DIS3L2: variants seen among roughly 807,000 people sequenced by gnomAD.
DIS3L2 encodes the protein DIS3-like exonuclease 2.
A neutral mutation model predicts 97.5 loss-of-function variants in DIS3L2; 34 were observed. The observed-to-expected ratio is 0.35, with a 90% CI of 0.27 to 0.46. The LOEUF (loss-of-function observed/expected upper bound fraction) is 0.46, where lower values mean the gene tolerates loss of function less well. DIS3L2 is among the 20% of genes least tolerant of loss of function. DIS3L2 has a pLI of 1.00. For missense variants in DIS3L2, 1,038 were observed against 1,146.0 expected, an observed-to-expected ratio of 0.91 and a Z score of 1.36; for synonymous variants, 435 against 445.2, an observed-to-expected ratio of 0.98 and a Z score of 0.29.
At chr2:232,082,109 C>A (rs958457905) in intron 5 of DIS3L2, among the ~76,000 whole-genome samples, 9 of 152,206 alleles carry the variant, frequency 5.9e-5, no homozygotes, top group African/African-American at 1.9e-4. Context: ...TACTTTTAAC[C>A]AGTATGCAAT....
At chr2:232,053,887 C>T (rs1212966929) in intron 5 of DIS3L2, among the ~76,000 whole-genome samples, 1 of 152,100 alleles carries the variant, frequency 6.6e-6, no homozygotes, top group East Asian at 1.9e-4. Context: ...AATCATTGGC[C>T]ATTGAACTCA....
In DIS3L2 at chr2:232,025,808, C is replaced by T. The variant is rs973347361; in HGVS notation, c.264+1478C>T. Reference sequence around the variant, plus strand: ...GAGACGGATAAACCATCTCTCAGTACGTCCTGCATAACCAATGTTTTTTTC... The same window carrying T: ...GAGACGGATAAACCATCTCTCAGTATGTCCTGCATAACCAATGTTTTTTTC... On this transcript the variant is annotated intron_variant, in intron 4 of 20. Coordinates refer to ENST00000325385, the MANE Select transcript of DIS3L2 (RefSeq NM_152383.5). Among the ~76,000 whole-genome samples, 4 of 152,150 alleles carry T rather than the reference C, an allele frequency of 2.6e-5. No individual in the cohort carries two copies. The South Asian group carries it at 6.2e-4, about 24-fold the overall frequency.
At chr2:232,206,459 A>G (rs1692027750) in intron 9 of DIS3L2, among the ~76,000 whole-genome samples, 1 of 152,232 alleles carries the variant, frequency 6.6e-6, no homozygotes, top group Non-Finnish European at 1.5e-5. Flanking sequence ...GCTGTGTACA[A>G]TAAAGCTTTA....
In DIS3L2 at chr2:232,068,175, G is replaced by A. The variant is rs1232799825; in HGVS notation, c.367-19312G>A. Among the ~76,000 whole-genome samples the A allele has an allele frequency of 5.3e-5, 8 of 152,290 alleles. No individual in the cohort carries two copies. The South Asian group carries it at 8.3e-4, about 16-fold the overall frequency. On this transcript the variant is annotated intron_variant, in intron 5 of 20. Transcript: ENST00000325385. The stretch of plus-strand genomic sequence containing the variant: ...AGTAGATTTTTAGAGTTGGCTATAC[G>A]TGAAATCTATATATTTTAGATTTTT...
chr2:232,166,513 C>T (rs1024216575), intron 9 of DIS3L2, among the ~76,000 whole-genome samples: 9 of 152,218 alleles, frequency 5.9e-5, no homozygotes, highest in East Asian at 1.9e-4. Context: ...ATCATGAGAT[C>T]GAGACCATCC....
chr2:232,070,923 A>C (rs1247287606), intron 5 of DIS3L2, among the ~76,000 whole-genome samples: 1 of 151,898 alleles, frequency 6.6e-6, no homozygotes, highest in Non-Finnish European at 1.5e-5. Context: ...CATGCAGGAG[A>C]GGAGAGAGGG....
intron 10 of DIS3L2, among the ~76,000 whole-genome samples, chr2:232,225,884 G>A (rs565523864): frequency 6.6e-6 from 1 of 152,304 alleles, no homozygotes; most frequent in East Asian, 1.9e-4. Flanking sequence ...CAACAGGGGT[G>A]AACCTTGAAA....
At chr2:232,284,529 AT>A (rs1239562110) in intron 13 of DIS3L2, among the ~76,000 whole-genome samples, 1 of 152,246 alleles carries the variant, frequency 6.6e-6, no homozygotes, top group African/African-American at 2.4e-5. Context: ...TTCATGGAAC[AT>A]TGAATATTCA....
At chr2:232,210,266 T>C (rs1040809575) in intron 9 of DIS3L2, 60 bp from the exon 10 acceptor site, 1 of 1,319,996 alleles carries the variant, frequency 7.6e-7, no homozygotes, top group Non-Finnish European at 1.1e-6. Flanking sequence ...AGCTGTACTA[T>C]GGTGGGGTAA....
downstream of DIS3L2, among the ~76,000 whole-genome samples, chr2:232,339,023 G>T (rs1696052075): frequency 6.6e-6 from 1 of 152,238 alleles, no homozygotes; most frequent in South Asian, 2.1e-4. Context: ...AGAAGCCAGT[G>T]AGTGTGTCCC....
At chr2:232,115,296 G>A (rs1697670747) in intron 6 of DIS3L2, among the ~76,000 whole-genome samples, 1 of 151,562 alleles carries the variant, frequency 6.6e-6, no homozygotes, top group Non-Finnish European at 1.5e-5. Flanking sequence ...GGTGATTGAA[G>A]ATTTTTTTAA....
At chr2:232,232,252 G>T (rs991908404) in intron 10 of DIS3L2, among the ~76,000 whole-genome samples, 2 of 152,184 alleles carry the variant, frequency 1.3e-5, no homozygotes, top group Non-Finnish European at 2.9e-5. Flanking sequence ...GCAAAAGCCA[G>T]GCCAGGCAGG....
At chr2:232,000,704 C>T (rs1479642812) in intron 1 of DIS3L2, among the ~76,000 whole-genome samples, 1 of 122,624 alleles carries the variant, frequency 8.2e-6, no homozygotes, top group East Asian at 2.5e-4. Flanking sequence ...CTCTTTCTTT[C>T]CTTCTTTCTT....
downstream of DIS3L2, among the ~76,000 whole-genome samples, chr2:232,337,387 G>A (rs1695994317): frequency 6.6e-6 from 1 of 152,134 alleles, no homozygotes; most frequent in Non-Finnish European, 1.5e-5. Context: ...GGTGTGAGTG[G>A]GTGCCCCGGC....
intron 1 of DIS3L2, among the ~76,000 whole-genome samples, chr2:231,971,001 T>C (rs4297869): frequency 6.6e-6 from 1 of 151,880 alleles, no homozygotes; most frequent in Non-Finnish European, 1.5e-5. Context: ...TAGAGTCAGG[T>C]TCATCAGTAT....
intron 1 of DIS3L2, among the ~76,000 whole-genome samples, chr2:231,974,013 A>G (rs1032140520): frequency 6.6e-6 from 1 of 152,164 alleles, no homozygotes; most frequent in Non-Finnish European, 1.5e-5. Flanking sequence ...CCTTGTTTTT[A>G]AAAAGCTTCC....
In DIS3L2 at chr2:232,037,409, C is replaced by T. The variant is rs769210000; in HGVS notation, c.366+7329C>T. On this transcript the variant is annotated intron_variant, in intron 5 of 20. Transcript: ENST00000325385. This position sits in a 1 kb window ranked among gnomAD's most constrained non-coding sequence, Gnocchi z 4.6. ...CCCACCAAGCTCAAGTGTCCCAGGTCGACTTCAGACTGCTATGCTGGCAGC... is the reference window on the plus strand; with the variant it reads ...CCCACCAAGCTCAAGTGTCCCAGGTTGACTTCAGACTGCTATGCTGGCAGC... 1.3e-5 allele frequency among the ~76,000 whole-genome samples: 2 copies of T among 152,132 alleles called. No homozygotes were observed. Among genetic ancestry groups the T allele is most frequent in the African/African-American group, 2.4e-5 (1 of 41,424 alleles).
At chr2:232,013,814 A>C (rs920680876) in intron 1 of DIS3L2, among the ~76,000 whole-genome samples, 2 of 151,958 alleles carry the variant, frequency 1.3e-5, no homozygotes, top group Non-Finnish European at 2.9e-5. Flanking sequence ...CCTTCTTTCA[A>C]CTGGATTGGC....
At chr2:232,240,189 G>A (rs1187696285) in intron 11 of DIS3L2, among the ~76,000 whole-genome samples, 3 of 152,194 alleles carry the variant, frequency 2.0e-5, no homozygotes, top group Non-Finnish European at 4.4e-5. Flanking sequence ...CCTCTCCCCT[G>A]CCCCAGGACA....
Sources: allele counts gnomAD v4.1 joint callset (sites outside exome capture counted in the v4.1 genomes callset), GRCh38; gene constraint gnomAD v4.1.1; non-coding constraint Gnocchi (gnomAD v3.1); transcripts MANE v1.5; gene names NCBI Gene and HGNC (gene_info 2026-07-23, HGNC 2026-07-21).